Variants in INSL6 observed in about 807,000 individuals in gnomAD.
INSL6 encodes insulin-like peptide INSL6.
Under a neutral mutation model 9.4 loss-of-function variants are expected in INSL6, and 16 were observed. That is an observed-to-expected ratio of 1.70 (90% CI 1.15 to 2.59). The LOEUF is 2.59. Among genes scored for constraint, INSL6 ranks in the 30% most tolerant of loss-of-function variants. The pLI is 0.00. For synonymous variants in INSL6, 154 were observed against 96.9 expected (o/e 1.59, Z -3.46); for missense variants, 391 against 257.3 (o/e 1.52, Z -3.56).
At chr9:5,086,058 A>T in the INSL6 span, 3 of 719,020 alleles carry the variant, frequency 4.2e-6, no homozygotes, top group Non-Finnish European at 7.8e-6. Flanking sequence ...CACAAGATTA[A>T]AATAGGGTAT....
chr9:5,110,155 C>G, the INSL6 span: 2 of 152,204 alleles, frequency 1.3e-5, no homozygotes, highest in Non-Finnish European at 2.9e-5. Flanking sequence ...GGCCTCCATC[C>G]CTGACTTCCA....
chr9:5,121,949 A>G (rs1263586287), downstream of INSL6, among the ~76,000 whole-genome samples: 2 of 152,196 alleles, frequency 1.3e-5, no homozygotes, highest in Non-Finnish European at 2.9e-5. Flanking sequence ...CTTGTGGAAT[A>G]AAACTAACAT....
At chr9:5,045,950 G>C in the INSL6 span, among the ~76,000 whole-genome samples, 2 of 151,812 alleles carry the variant, frequency 1.3e-5, no homozygotes, top group Non-Finnish European at 2.9e-5. Flanking sequence ...AATTTTTTTT[G>C]AGGAACTGCT....
the INSL6 span, among the ~76,000 whole-genome samples, chr9:5,052,463 T>G: frequency 3.3e-5 from 5 of 152,218 alleles, no homozygotes; most frequent in South Asian, 8.3e-4. Context: ...TCATATAAGA[T>G]TCCATGATAT....
the INSL6 span, among the ~76,000 whole-genome samples, chr9:5,093,634 A>G: frequency 2.0e-5 from 3 of 152,182 alleles, no homozygotes; most frequent in Non-Finnish European, 2.9e-5. Context: ...ACCTCATAGC[A>G]TATTCAACCT....
chr9:5,079,161 T>A, the INSL6 span, among the ~76,000 whole-genome samples: 1 of 152,108 alleles, frequency 6.6e-6, no homozygotes, highest in South Asian at 2.1e-4. Flanking sequence ...GAGTAGGGAG[T>A]ATGGCAGAAA....
At chr9:5,166,012 A>T (rs1330127968) in intron 1 of INSL6, among the ~76,000 whole-genome samples, 1 of 152,216 alleles carries the variant, frequency 6.6e-6, no homozygotes, top group African/African-American at 2.4e-5. Context: ...AATCCACGTC[A>T]TGTGAAAAAC....
chr9:5,024,200 GAGCCGAGATTGCGCCACTGCACTCC>G, the INSL6 span, among the ~76,000 whole-genome samples: 1 of 152,152 alleles, frequency 6.6e-6, no homozygotes, highest in African/African-American at 2.4e-5. Flanking sequence ...AGCTTGCAGT[GAGCCGAGATTGCGCCACTGCACTCC>G]AGCCTGGGCG....
intron 1 of INSL6, among the ~76,000 whole-genome samples, chr9:5,179,152 C>T (rs1176868467): frequency 6.6e-6 from 1 of 151,268 alleles, no homozygotes; most frequent in East Asian, 1.9e-4. Context: ...CTATAAGTAA[C>T]TTAAACAAAT....
the INSL6 span, among the ~76,000 whole-genome samples, chr9:5,034,906 TAGAG>T: frequency 2.0e-5 from 3 of 151,944 alleles, no homozygotes; most frequent in East Asian, 1.9e-4. Context: ...CTGAAGGACA[TAGAG>T]AGACAAAAAA....
At chr9:5,043,818 CATT>C in the INSL6 span, among the ~76,000 whole-genome samples, 2 of 152,138 alleles carry the variant, frequency 1.3e-5, no homozygotes, top group East Asian at 1.9e-4. Flanking sequence ...ACCTTGAAAA[CATT>C]ATGCTGAGTG....
At chr9:5,008,545 T>A in the INSL6 span, among the ~76,000 whole-genome samples, 1 of 152,138 alleles carries the variant, frequency 6.6e-6, no homozygotes, top group African/African-American at 2.4e-5. Flanking sequence ...AAGGGCCCAT[T>A]TGAGTATGAA....
chr9:5,012,198 C>T, the INSL6 span, among the ~76,000 whole-genome samples: 1 of 152,156 alleles, frequency 6.6e-6, no homozygotes, highest in Non-Finnish European at 1.5e-5. Context: ...GCTCTGTCCC[C>T]TCCTCTGGCC....
At chr9:4,999,190 A>C in the INSL6 span, among the ~76,000 whole-genome samples, 1 of 152,180 alleles carries the variant, frequency 6.6e-6, no homozygotes, top group East Asian at 1.9e-4. Flanking sequence ...AGGTAAAATG[A>C]TTACATTTGA....
chr9:5,020,177 C>T, the INSL6 span, among the ~76,000 whole-genome samples: 1 of 152,076 alleles, frequency 6.6e-6, no homozygotes, highest in African/African-American at 2.4e-5. Flanking sequence ...GCAGTGACGG[C>T]GATTGGCTGG....
chr9:5,121,897 GGAGT>G (rs1448058814), downstream of INSL6, among the ~76,000 whole-genome samples: 1 of 152,106 alleles, frequency 6.6e-6, no homozygotes. Flanking sequence ...TATTTTGCAA[GGAGT>G]GAGGGAATAG....
chr9:5,046,743 A>C, the INSL6 span, among the ~76,000 whole-genome samples: 2 of 152,272 alleles, frequency 1.3e-5, no homozygotes, highest in Non-Finnish European at 2.9e-5. Context: ...CTGTATAGCC[A>C]TTATGAAAAG....
the INSL6 span, among the ~76,000 whole-genome samples, chr9:5,004,511 C>A: frequency 6.6e-6 from 1 of 151,932 alleles, no homozygotes; most frequent in South Asian, 2.1e-4. Context: ...TGTACATATG[C>A]TGTATTTTCT....
At chr9:5,102,216 A>G in the INSL6 span, among the ~76,000 whole-genome samples, 12 of 152,174 alleles carry the variant, frequency 7.9e-5, no homozygotes, top group Admixed American at 7.2e-4. Flanking sequence ...GGAGCTGAAA[A>G]CCATGGCATG....
Sources: allele counts gnomAD v4.1 joint callset (sites outside exome capture counted in the v4.1 genomes callset), GRCh38; gene constraint gnomAD v4.1.1; transcripts MANE v1.5; gene names NCBI Gene and HGNC (gene_info 2026-07-23, HGNC 2026-07-21).